Variants in TGFBR1 observed in about 807,000 individuals in gnomAD.
The protein encoded by TGFBR1 is transforming growth factor beta receptor 1, also known as TGF-beta receptor type-1.
TGFBR1 carries 20 observed loss-of-function variants against 55.1 expected under a neutral mutation model. The ratio of observed to expected loss-of-function variants is 0.36; its 90% CI spans 0.26 to 0.53. The LOEUF is 0.53. TGFBR1 is among the 20% of genes least tolerant of loss of function. TGFBR1 has a pLI of 0.91. For synonymous variants in TGFBR1, 220 were observed against 214.8 expected (o/e 1.02, Z -0.21); for missense variants, 385 against 617.6 (o/e 0.62, Z 3.99).
intron 6 of TGFBR1, among the ~76,000 whole-genome samples, chr9:99,145,314 G>A (rs1046499107): frequency 3.3e-5 from 5 of 152,130 alleles, no homozygotes; most frequent in Non-Finnish European, 5.9e-5. Context: ...CTGTCTCCTG[G>A]AGCATACTTT....
intron 1 of TGFBR1, among the ~76,000 whole-genome samples, chr9:99,114,949 CTTATCTGAGAGTGT>C (rs941752258): frequency 2.0e-5 from 3 of 152,118 alleles, no homozygotes; most frequent in African/African-American, 4.8e-5. Context: ...AGAGACCACA[CTTATCTGAGAGTGT>C]GGCCCTACTG....
intron 1 of TGFBR1, among the ~76,000 whole-genome samples, chr9:99,126,140 T>C (rs1827034568): frequency 6.6e-6 from 1 of 152,178 alleles, no homozygotes; most frequent in South Asian, 2.1e-4. Flanking sequence ...AGGTTTAAAC[T>C]AGACAGAGAG....
chr9:99,114,337 T>C (rs756519187), intron 1 of TGFBR1, among the ~76,000 whole-genome samples: 1 of 152,210 alleles, frequency 6.6e-6, no homozygotes, highest in Non-Finnish European at 1.5e-5. Flanking sequence ...AGTTTTCTGG[T>C]AACCAAGGCA....
At chr9:99,144,282 C>T (rs1233826131) in intron 5 of TGFBR1, among the ~76,000 whole-genome samples, 1 of 152,116 alleles carries the variant, frequency 6.6e-6, no homozygotes, top group Non-Finnish European at 1.5e-5. Context: ...TCCAGGTTTT[C>T]CACATTATAA....
intron 6 of TGFBR1, among the ~76,000 whole-genome samples, chr9:99,145,457 T>C (rs1287556693): frequency 6.6e-6 from 1 of 152,206 alleles, no homozygotes; most frequent in East Asian, 1.9e-4. Context: ...TTATGCGTTA[T>C]GTTGTAACTG....
At chr9:99,134,834 A>T (rs1467013558) in intron 3 of TGFBR1, among the ~76,000 whole-genome samples, 1 of 116,218 alleles carries the variant, frequency 8.6e-6, no homozygotes, top group East Asian at 2.6e-4. Flanking sequence ...ATATATATAT[A>T]TATATATATA....
chr9:99,120,273 C>T (rs771524216), intron 1 of TGFBR1, among the ~76,000 whole-genome samples: 3 of 152,142 alleles, frequency 2.0e-5, no homozygotes, highest in Non-Finnish European at 2.9e-5. Context: ...CTTATAATAC[C>T]TACCCACTAG....
In TGFBR1 at chr9:99,151,481, A is replaced by T. The variant is rs1444345675; in HGVS notation, c.*2176A>T. ...GAAATCCAGGGGACCAATGCATTTT[A>T]TCACTAAAACTATTTTTATATAATT... On this transcript the variant is annotated 3_prime_UTR_variant, in exon 9 of 9. Coordinates refer to ENST00000374994, the MANE Select transcript of TGFBR1 (RefSeq NM_004612.4). 1 of 224,632 alleles carries T rather than the reference A, an allele frequency of 4.5e-6. No homozygotes were observed. The highest frequency in any genetic ancestry group is 1.9e-4 in the South Asian group (1 of 5,390). The allele number at this position is 224,632 out of a possible 1,614,324, so 13.9% of individuals were successfully genotyped here. A position where few individuals can be genotyped will look rare whatever the true frequency, so the allele number is the denominator to read the frequency against.
chr9:99,108,465 C>T (rs1826477583), intron 1 of TGFBR1, among the ~76,000 whole-genome samples: 1 of 152,118 alleles, frequency 6.6e-6, no homozygotes, highest in Non-Finnish European at 1.5e-5. Context: ...CCTTGTAGTG[C>T]CAGTTGTTAA....
chr9:99,117,719 A>G (rs1433595458), intron 1 of TGFBR1, among the ~76,000 whole-genome samples: 2 of 152,154 alleles, frequency 1.3e-5, no homozygotes, highest in Non-Finnish European at 2.9e-5. Context: ...TTGTGCCATT[A>G]CCATACTGTC....
At chr9:99,137,585 C>T (rs570130086) in intron 3 of TGFBR1, among the ~76,000 whole-genome samples, 5 of 152,286 alleles carry the variant, frequency 3.3e-5, no homozygotes, top group East Asian at 3.9e-4. Flanking sequence ...GCCTAACCAC[C>T]GTACTTAAGG....
At position 99,113,171 on chromosome 9, in the gene TGFBR1, C is replaced by A. The variant is rs577668243; in HGVS notation, c.97+7869C>A. Among the ~76,000 whole-genome samples, 6 of 152,318 alleles carry A rather than the reference C, an allele frequency of 3.9e-5. No homozygotes were observed. The South Asian group carries it at 1.2e-3, about 32-fold the overall frequency. On this transcript the variant is annotated intron_variant, in intron 1 of 8. Transcript: ENST00000374994. ...TTCTGGTTGTATTGAAATTAACCTT[C>A]AGACAGTGCTGCTTTCTCTGCAGTA...
intron 3 of TGFBR1, among the ~76,000 whole-genome samples, chr9:99,134,243 A>G (rs891972495): frequency 6.6e-6 from 1 of 152,166 alleles, no homozygotes; most frequent in African/African-American, 2.4e-5. Context: ...TTATTCTTCT[A>G]TAGAATTTGG....
Position 99,105,129 on chromosome 9 carries a change from G to T in TGFBR1, c.-77G>T. 1 of 1,048,334 alleles carries T rather than the reference G, an allele frequency of 9.5e-7. No individual in the cohort carries two copies. Among genetic ancestry groups the T allele is most frequent in the Non-Finnish European group, 1.2e-6 (1 of 863,812 alleles). The allele number at this position is 1,048,334 out of a possible 1,614,324, so 64.9% of individuals were successfully genotyped here. On this transcript the variant is annotated 5_prime_UTR_variant, in exon 1 of 9. Transcript: ENST00000374994. ...GGCCGCCGCGGCGGCTAGGGAGGTG[G>T]GGCGAGGCGAGGTTTGCTGGGGTGA...
At chr9:99,128,706 C>A (rs2118561011) in intron 1 of TGFBR1, 149 bp from the exon 2 acceptor site, 2 of 1,036,286 alleles carry the variant, frequency 1.9e-6, no homozygotes, top group East Asian at 2.5e-5. Flanking sequence ...CTAAGAGCAA[C>A]AAATAGTTGT....
Position 99,140,711 on chromosome 9 carries a change from G to GT in TGFBR1, c.806-1824dup, listed in dbSNP as rs1011211418. Among the ~76,000 whole-genome samples the GT allele has an allele frequency of 1.9e-4, 29 of 152,210 alleles. No homozygotes were observed. In the Middle Eastern group the frequency reaches 0.01, roughly 54 times the overall value. On this transcript the variant is annotated intron_variant, in intron 4 of 8. Transcript: ENST00000374994. ...TATGAAGGTACTGATTTTATAAGTG[G>GT]TAATTTCTTCCTTAAGAACATAGCC...
rs374894747 is a variant in TGFBR1 at position 99,142,491 on chromosome 9, A to G, written c.806-45A>G. 9 of 1,609,786 alleles carry G rather than the reference A, an allele frequency of 5.6e-6. No individual in the cohort carries two copies. In the African/African-American group the frequency reaches 1.2e-4, roughly 22 times the overall value. On this transcript the variant is annotated intron_variant, in intron 4 of 8. Coordinates refer to ENST00000374994, the MANE Select transcript of TGFBR1 (RefSeq NM_004612.4). ...GTAATAACCATTGAACAAATAAATC[A>G]TAAATGGTCTGCAGCCCAACCGAAA...
Position 99,150,272 on chromosome 9 carries a change from G to C in TGFBR1, c.*967G>C, listed in dbSNP as rs200755777. On this transcript the variant is annotated 3_prime_UTR_variant, in exon 9 of 9. Transcript: ENST00000374994. ...TCTAAGTATACTTTTAAAAAATCAAGTGGCACTCTAGATGCTTATAGTACT... is the reference window on the plus strand; with the variant it reads ...TCTAAGTATACTTTTAAAAAATCAACTGGCACTCTAGATGCTTATAGTACT... The C allele has an allele frequency of 5.1e-6, 1 of 195,400 alleles. No homozygotes were observed. Among genetic ancestry groups the C allele is most frequent in the Non-Finnish European group, 1.1e-5 (1 of 93,734 alleles). The allele number at this position is 195,400 out of a possible 1,614,324, so 12.1% of individuals were successfully genotyped here.
At chr9:99,125,178 G>C (rs1437326080) in intron 1 of TGFBR1, among the ~76,000 whole-genome samples, 1 of 152,144 alleles carries the variant, frequency 6.6e-6, no homozygotes, top group African/African-American at 2.4e-5. Context: ...CTTCTCATCA[G>C]TAATGTTATG....
Sources: allele counts gnomAD v4.1 joint callset (sites outside exome capture counted in the v4.1 genomes callset), GRCh38; gene constraint gnomAD v4.1.1; transcripts MANE v1.5; gene names NCBI Gene and HGNC (gene_info 2026-07-23, HGNC 2026-07-21).